The following RYR1 variants were observed in gnomAD, a reference collection of about 807,000 sequenced individuals.
The protein encoded by RYR1 is central core disease of muscle.
Under a neutral mutation model 583.5 loss-of-function variants are expected in RYR1, and 342 were observed. The ratio of observed to expected loss-of-function variants is 0.59; its 90% CI spans 0.54 to 0.64. RYR1 has a LOEUF of 0.64. RYR1 is among the 30% of genes least tolerant of loss of function. RYR1 has a pLI of 0.00. For missense variants in RYR1, 6,032 were observed against 6,917.2 expected, an observed-to-expected ratio of 0.87 and a Z score of 4.54; for synonymous variants, 2,791 against 2,822.5, an observed-to-expected ratio of 0.99 and a Z score of 0.35.
In RYR1 at chr19:38,518,420, A is replaced by G. The variant is rs375029393; in HGVS notation, c.10018+729A>G. ...ATTATTTAAAAAAAAAAAAAAAAAA[A>G]AAAGAAATATTTGTGTAAGGAAACA... On this transcript the variant is annotated intron_variant, in intron 66 of 105. Transcript: ENST00000359596. Among the ~76,000 whole-genome samples, 369 of 147,652 alleles carry G rather than the reference A, an allele frequency of 2.5e-3. 2 individuals carry two copies. Among genetic ancestry groups the G allele is most frequent in the Non-Finnish European group, 3.4e-3 (225 of 66,374 alleles).
chr19:38,550,037 T>G (rs1972600923), intron 89 of RYR1, among the ~76,000 whole-genome samples: 1 of 151,928 alleles, frequency 6.6e-6, no homozygotes, highest in Admixed American at 6.6e-5. Context: ...ATTACAAGCA[T>G]GAACCACCTC....
intron 23 of RYR1, among the ~76,000 whole-genome samples, chr19:38,465,431 G>T (rs576971358): frequency 6.6e-6 from 1 of 152,008 alleles, no homozygotes; most frequent in African/African-American, 2.4e-5. Context: ...TTGCACCACC[G>T]CACTCCAGCC....
At chr19:38,564,839 C>T (rs1416050269) in intron 90 of RYR1, 120 bp from the exon 91 acceptor site, 7 of 1,492,758 alleles carry the variant, frequency 4.7e-6, no homozygotes. Flanking sequence ...AAACAAAATA[C>T]CAACAATGCA....
chr19:38,535,940 A>G (rs1888263455), intron 81 of RYR1, 57 bp from the exon 82 acceptor site: 4 of 1,513,148 alleles, frequency 2.6e-6, no homozygotes, highest in Non-Finnish European at 3.6e-6. Flanking sequence ...AGGCCCTGGG[A>G]GAGAGGAGGG....
rs1225293069 is a variant in RYR1 at position 38,543,314 on chromosome 19, A to G, written c.11690-33A>G. The G allele has an allele frequency of 5.1e-6, 8 of 1,578,974 alleles. No individual in the cohort carries two copies. The highest frequency in any genetic ancestry group is 7.0e-6 in the Non-Finnish European group (8 of 1,148,198). On this transcript the variant is annotated intron_variant, in intron 84 of 105. Coordinates refer to ENST00000359596, the MANE Select transcript of RYR1 (RefSeq NM_000540.3). This position sits in a 1 kb window ranked among gnomAD's most constrained non-coding sequence, Gnocchi z 4.4. ...CTGTTCATCTCCCCTAGCACATGGG[A>G]GGTGCTGGATAAATGACTTTTCATC...
chr19:38,548,150 T>C (rs1601003006), intron 88 of RYR1, 83 bp from the exon 89 acceptor site: 2 of 1,489,584 alleles, frequency 1.3e-6, no homozygotes, highest in East Asian at 4.6e-5. Flanking sequence ...GCGTGGTGGC[T>C]CCTGGGCTGG....
chr19:38,459,403 C>T, intron 19 of RYR1, 65 bp downstream of exon 19: 2 of 1,481,494 alleles, frequency 1.3e-6, no homozygotes, highest in Non-Finnish European at 1.9e-6. Context: ...ACAGCTTCCC[C>T]AGTCACTCCA....
Position 38,567,786 on chromosome 19 carries a change from G to A in RYR1, c.13528G>A (p.Glu4510Lys). 1 of 1,614,174 alleles carries A rather than the reference G, an allele frequency of 6.2e-7. No individual in the cohort carries two copies. Among genetic ancestry groups the A allele is most frequent in the Non-Finnish European group, 8.5e-7 (1 of 1,180,024 alleles). ...CCTGCCCTGCAGTGCCGAGAATGGG[G>A]AGAAGGAAGAAGTTCCCGAGCCCAC... ...EPEKADAENG[E>K]KEEVPEPTPE... Residue 4510 changes from glutamate (E) to lysine (K), a missense_variant, in exon 93 of 106, where the codon GAG (glutamate) becomes AAG (lysine). Transcript: ENST00000359596.
At position 38,565,393 on chromosome 19, in the gene RYR1, C is replaced by A; in HGVS notation, c.13059C>A (p.Gly4353=). Residue 4353 remains glycine (G), a synonymous_variant, in exon 91 of 106, where the codon GGC becomes GGA. Transcript: ENST00000359596. This position sits in a 1 kb window ranked among gnomAD's most constrained non-coding sequence, Gnocchi z 4.7. The part of the protein sequence containing the change: ...AGAAGAGAAA[G]ALGLLWGSLF... ...CCGCTGGCGCGGGGGCGGCGGCGGG[C>A]GCGCTGGGCCTGCTCTGGGGCTCGC... 1 of 1,368,742 alleles carries A rather than the reference C, an allele frequency of 7.3e-7. No homozygotes were observed. The highest frequency in any genetic ancestry group is 1.8e-5 in the South Asian group (1 of 56,528). The allele number at this position is 1,368,742 out of a possible 1,614,324, so 84.8% of individuals were successfully genotyped here. A position where few individuals can be genotyped will look rare whatever the true frequency, so the allele number is the denominator to read the frequency against.
rs953504971 is a variant in RYR1, at chr19:38,473,680, C to G, written c.4069C>G (p.Pro1357Ala). The G allele has an allele frequency of 1.3e-6, 2 of 1,550,490 alleles. No individual in the cohort carries two copies. Among genetic ancestry groups the G allele is most frequent in the South Asian group, 2.4e-5 (2 of 84,070 alleles). Residue 1357 changes from proline to alanine, a missense_variant, in exon 28 of 106, where the codon CCC becomes GCC. Physicochemically the swap from Pro to Ala is conservative, Grantham distance 27. Around this residue, in one of 11 missense-constraint regions of RYR1, gnomAD observed 2,627 missense variants for 2,961.3 expected, o/e 0.89. Coordinates refer to ENST00000359596, the MANE Select transcript of RYR1 (RefSeq NM_000540.3). ...GKEGTAKEGA[P>A]GGTPQAGGEA... ...AGAAGGGACTGCGAAGGAGGGCGCC[C>G]CCGGGGGCACCCCGCAGGCGGGGGG...
At chr19:38,489,946 TC>T (rs1969476502) in intron 35 of RYR1, 129 bp from the exon 36 acceptor site, 2 of 941,204 alleles carry the variant, frequency 2.1e-6, no homozygotes, top group African/African-American at 3.2e-5. Context: ...GGCTTAAGGT[TC>T]CAGGCGGGAA....
At chr19:38,542,948 T>G (rs1228898561) in intron 84 of RYR1, among the ~76,000 whole-genome samples, 1 of 152,104 alleles carries the variant, frequency 6.6e-6, no homozygotes, top group Non-Finnish European at 1.5e-5. Context: ...TTGAAGCGAT[T>G]CTCCTGCCTC....
At position 38,440,871 on chromosome 19, in the gene RYR1, G is replaced by A. The variant is rs772380427; in HGVS notation, c.165+7G>A. ...GCCCACTAGCAACGCGCAGGTCTGT[G>A]CAGGAGGGAGAGGGGCCTGGGGACA... On this transcript the variant is annotated splice_region_variant and intron_variant, in intron 2 of 105. Coordinates refer to ENST00000359596, the MANE Select transcript of RYR1 (RefSeq NM_000540.3). The A allele has an allele frequency of 6.2e-7, 1 of 1,610,084 alleles. No homozygotes were observed. Among genetic ancestry groups the A allele is most frequent in the Non-Finnish European group, 8.5e-7 (1 of 1,178,120 alleles).
intron 84 of RYR1, among the ~76,000 whole-genome samples, chr19:38,539,472 A>G (rs1272703331): frequency 6.6e-6 from 1 of 151,980 alleles, no homozygotes; most frequent in Non-Finnish European, 1.5e-5. Flanking sequence ...TCCTGGATTC[A>G]AGCAATCCTC....
Position 38,543,464 on chromosome 19 carries a change from C to G in RYR1, c.11778+29C>G, listed in dbSNP as rs1469162482. On this transcript the variant is annotated intron_variant, in intron 85 of 105. Coordinates refer to ENST00000359596, the MANE Select transcript of RYR1 (RefSeq NM_000540.3). This position sits in a 1 kb window ranked among gnomAD's most constrained non-coding sequence, Gnocchi z 4.4. ...AGGACGTGAGACGGTTCAGGTGTGACTTGGGTCGGGGGCTGCAGGGCCATG... is the reference window on the plus strand; with the variant it reads ...AGGACGTGAGACGGTTCAGGTGTGAGTTGGGTCGGGGGCTGCAGGGCCATG... 2 of 1,614,226 alleles carry G rather than the reference C, an allele frequency of 1.2e-6. No homozygotes were observed. Among genetic ancestry groups the G allele is most frequent in the Middle Eastern group, 1.6e-4 (1 of 6,062 alleles).
At chr19:38,537,852 T>C (rs1172695884) in intron 83 of RYR1, 28 bp from the exon 84 acceptor site, 3 of 1,610,224 alleles carry the variant, frequency 1.9e-6, no homozygotes, top group African/African-American at 1.3e-5. Context: ...TGACCCCTCC[T>C]GGGCCCTGTC....
chr19:38,574,259 GAAA>G (rs1181191265), intron 96 of RYR1, among the ~76,000 whole-genome samples: 1 of 38,948 alleles, frequency 2.6e-5, no homozygotes, highest in Admixed American at 3.2e-4. Flanking sequence ...GACTCCATCT[GAAA>G]AAAAAAAAAA....
intron 89 of RYR1, among the ~76,000 whole-genome samples, chr19:38,559,345 T>C (rs1339137415): frequency 6.6e-6 from 1 of 150,506 alleles, no homozygotes; most frequent in Non-Finnish European, 1.5e-5. Flanking sequence ...GCCATTCTCC[T>C]GCTTCAGCCT....
At chr19:38,435,724 C>T (rs547390128) in intron 1 of RYR1, among the ~76,000 whole-genome samples, 6 of 152,006 alleles carry the variant, frequency 3.9e-5, no homozygotes, top group East Asian at 3.9e-4. Context: ...GGCGACAGGG[C>T]GAGACTCCAT....
Sources: allele counts gnomAD v4.1 joint callset (sites outside exome capture counted in the v4.1 genomes callset), GRCh38; gene constraint gnomAD v4.1.1; regional missense constraint gnomAD v4.1.1; non-coding constraint Gnocchi (gnomAD v3.1); transcripts MANE v1.5; gene names NCBI Gene and HGNC (gene_info 2026-07-23, HGNC 2026-07-21).